SULT1C3: variants seen among roughly 807,000 people sequenced by gnomAD.
The protein encoded by SULT1C3 is sulfotransferase family 1C member 3.
SULT1C3 carries 31 observed loss-of-function variants against 28.4 expected under a neutral mutation model. The ratio of observed to expected loss-of-function variants is 1.09; its 90% confidence interval spans 0.82 to 1.47. The LOEUF (loss-of-function observed/expected upper bound fraction) is 1.47, where lower values mean the gene tolerates loss of function less well. SULT1C3 is among the 40% of genes most tolerant of loss of function. The pLI is 0.00. For synonymous variants in SULT1C3, 106 were observed against 92.2 expected (o/e 1.15, Z -0.86); for missense variants, 307 against 272.5 (o/e 1.13, Z -0.89).
In SULT1C3 at chr2:108,253,462, C is replaced by G; in HGVS notation, c.399+20C>G. The G allele has an allele frequency of 7.5e-7, 1 of 1,328,718 alleles. No individual in the cohort carries two copies. Among genetic ancestry groups the G allele is most frequent in the African/African-American group, 1.5e-5 (1 of 67,644 alleles). 82.3% of individuals were successfully genotyped at this position (1,328,718 alleles called of 1,614,324 possible). Reference sequence around the variant, plus strand: ...TGCAAGGTATAAAGAGGGGGCTTTTCAAACTTCTCTTAGCTTGGTGATATA... The same window carrying G: ...TGCAAGGTATAAAGAGGGGGCTTTTGAAACTTCTCTTAGCTTGGTGATATA... On this transcript the variant is annotated intron_variant, in intron 4 of 7. Coordinates refer to ENST00000681802, the MANE Select transcript of SULT1C3 (RefSeq NM_001320878.2).
chr2:108,256,295 T>C (rs1228667248), intron 5 of SULT1C3, among the ~76,000 whole-genome samples: 1 of 152,036 alleles, frequency 6.6e-6, no homozygotes. Flanking sequence ...TCAAATCAGA[T>C]TGGCAAGGAT....
At position 108,245,641 on chromosome 2, in the gene SULT1C3, G is replaced by A. The variant is rs534203363; in HGVS notation, c.-7-1547G>A. The stretch of plus-strand genomic sequence containing the variant: ...AACAAGACCCTAGGCTGCACACAAC[G>A]CGGGGACCCTGGGCCTAGTCCACAA... On this transcript the variant is annotated intron_variant, in intron 1 of 7. Coordinates refer to ENST00000681802, the MANE Select transcript of SULT1C3 (RefSeq NM_001320878.2). Among the ~76,000 whole-genome samples, 226 of 152,214 alleles carry A rather than the reference G, an allele frequency of 1.5e-3. 1 individual carries two copies. The highest frequency in any genetic ancestry group is 2.5e-3 in the Non-Finnish European group (168 of 68,002).
intron 2 of SULT1C3, among the ~76,000 whole-genome samples, chr2:108,248,701 G>A (rs1226165422): frequency 6.6e-6 from 1 of 152,110 alleles, no homozygotes; most frequent in East Asian, 1.9e-4. Context: ...GATTATACAA[G>A]CATGAGAGAC....
rs764791248 is a variant in SULT1C3 at position 108,255,673 on chromosome 2, T to C, written c.501T>C (p.Phe167=). The C allele has an allele frequency of 1.9e-6, 3 of 1,611,176 alleles. No individual in the cohort carries two copies. Among genetic ancestry groups the C allele is most frequent in the South Asian group, 2.2e-5 (2 of 90,970 alleles). Residue 167 remains phenylalanine (F), a synonymous_variant, in exon 5 of 8, where the codon TTT becomes TTC. Coordinates refer to ENST00000681802, the MANE Select transcript of SULT1C3 (RefSeq NM_001320878.2). ...FMPDPQNLEE[F]YEKFMSGKVV... ...CTGATCCTCAGAACTTAGAGGAATT[T>C]TATGAGAAATTCATGTCCGGAAAAG...
At chr2:108,253,297 T>G (rs1365079743) in intron 3 of SULT1C3, 48 bp from the exon 4 acceptor site, 2 of 1,213,592 alleles carry the variant, frequency 1.6e-6, no homozygotes, top group Middle Eastern at 2.1e-4. Context: ...TCAAGTATTT[T>G]GGCAGAGTGC....
intron 1 of SULT1C3, among the ~76,000 whole-genome samples, chr2:108,241,254 C>T (rs910622323): frequency 6.6e-6 from 1 of 152,182 alleles, no homozygotes; most frequent in Admixed American, 6.5e-5. Flanking sequence ...ACCAGTTTTT[C>T]CAATTGTGTC....
At chr2:108,248,777 T>TACATCTGC (rs1675655257) in intron 2 of SULT1C3, among the ~76,000 whole-genome samples, 1 of 152,122 alleles carries the variant, frequency 6.6e-6, no homozygotes, top group Admixed American at 6.5e-5. Flanking sequence ...CCTCTGTTAT[T>TACATCTGC]ACATCTGCCG....
rs761145216 is a variant in SULT1C3 at position 108,258,813 on chromosome 2, C to T, written c.606C>T (p.Tyr202=). 1.6e-5 allele frequency: 25 copies of T among 1,611,942 alleles called. No individual in the cohort carries two copies. Among genetic ancestry groups the T allele is most frequent in the Admixed American group, 3.3e-5 (2 of 59,800 alleles). The change falls in exon 6 of 8, where the codon TAC becomes TAT. Residue 202 remains tyrosine (Y), a synonymous_variant. Transcript: ENST00000681802. ...TGCACCGGATCCTCTACCTCTTCTA[C>T]GAGGATATTAAAAAAGTAAGTGGCA... is the stretch of plus-strand genomic sequence containing the variant. ...KDMHRILYLF[Y]EDIKKNPKHE...
intron 3 of SULT1C3, 38 bp downstream of exon 3, chr2:108,252,531 T>G: frequency 3.1e-6 from 5 of 1,608,340 alleles, no homozygotes; most frequent in Non-Finnish European, 4.2e-6. Context: ...GACTTTCACT[T>G]CAGGATTCCA....
intron 1 of SULT1C3, among the ~76,000 whole-genome samples, 68 bp downstream of exon 1, chr2:108,240,151 G>C (rs1466213): frequency 6.6e-6 from 1 of 152,024 alleles, no homozygotes; most frequent in Non-Finnish European, 1.5e-5. Flanking sequence ...GAAAAGGGTC[G>C]GGATATTCAA....
At chr2:108,250,820 T>A (rs756920969) in intron 2 of SULT1C3, among the ~76,000 whole-genome samples, 11 of 152,050 alleles carry the variant, frequency 7.2e-5, no homozygotes, top group African/African-American at 2.2e-4. Context: ...AACTGTATGG[T>A]TTCATTTATA....
rs780100833 is a variant in SULT1C3 at position 108,255,559 on chromosome 2, T to C, written c.400-13T>C. The C allele has an allele frequency of 2.2e-5, 35 of 1,608,638 alleles. No homozygotes were observed. The East Asian group carries it at 7.8e-4, about 36-fold the overall frequency. ...TTTCTCTCCATGGCTTCCTTCCCTCTCCTTGATTTCAGATTGTCTATGTGG... is the reference window on the plus strand; with the variant it reads ...TTTCTCTCCATGGCTTCCTTCCCTCCCCTTGATTTCAGATTGTCTATGTGG... On this transcript the variant is annotated splice_polypyrimidine_tract_variant and intron_variant, in intron 4 of 7. Transcript: ENST00000681802.
At chr2:108,254,749 A>ATATG (rs1334808163) in intron 4 of SULT1C3, among the ~76,000 whole-genome samples, 2 of 148,442 alleles carry the variant, frequency 1.3e-5, no homozygotes, top group Admixed American at 6.7e-5. Flanking sequence ...GTATGCATAC[A>ATATG]TATGTATGTA....
At chr2:108,251,648 A>T (rs1223879992) in intron 2 of SULT1C3, among the ~76,000 whole-genome samples, 1 of 152,064 alleles carries the variant, frequency 6.6e-6, no homozygotes, top group Non-Finnish European at 1.5e-5. Flanking sequence ...AAATAATCAG[A>T]CAAATCCAGA....
intron 2 of SULT1C3, among the ~76,000 whole-genome samples, chr2:108,247,641 A>T (rs1288309332): frequency 6.6e-6 from 1 of 152,226 alleles, no homozygotes; most frequent in Admixed American, 6.5e-5. Context: ...ATCAAATATA[A>T]GGTCAACAAA....
At chr2:108,262,766 A>G (rs921756954), downstream of SULT1C3, among the ~76,000 whole-genome samples, 10 of 152,110 alleles carry the variant, frequency 6.6e-5, no homozygotes, top group South Asian at 2.1e-4. Context: ...ACTTTCCCCA[A>G]TGTGACTGTT....
At chr2:108,240,713 A>G (rs563064383) in intron 1 of SULT1C3, among the ~76,000 whole-genome samples, 2 of 152,196 alleles carry the variant, frequency 1.3e-5, no homozygotes, top group Non-Finnish European at 2.9e-5. Flanking sequence ...GGTTCGTCTA[A>G]AATGTAGGCA....
At chr2:108,241,055 A>G (rs78778269) in intron 1 of SULT1C3, among the ~76,000 whole-genome samples, 2,927 of 152,044 alleles carry the variant, frequency 0.019, 39 homozygotes, top group Non-Finnish European at 0.031. Context: ...TCCCAAGATC[A>G]ACATGGAGTT....
chr2:108,252,750 A>C (rs1675763638), intron 3 of SULT1C3, among the ~76,000 whole-genome samples: 1 of 152,040 alleles, frequency 6.6e-6, no homozygotes, highest in Non-Finnish European at 1.5e-5. Flanking sequence ...ACGATAAAGA[A>C]GACTCCCTCT....
Sources: allele counts gnomAD v4.1 joint callset (sites outside exome capture counted in the v4.1 genomes callset), GRCh38; gene constraint gnomAD v4.1.1; transcripts MANE v1.5; gene names NCBI Gene and HGNC (gene_info 2026-07-23, HGNC 2026-07-21).